KCNQ3: variants seen among roughly 807,000 people sequenced by gnomAD.
KCNQ3 encodes the protein potassium voltage-gated channel subfamily Q member 3.
KCNQ3 carries 30 observed loss-of-function variants against 92.5 expected under a neutral mutation model. The ratio of observed to expected loss-of-function variants is 0.32; its 90% confidence interval spans 0.24 to 0.44. The LOEUF is 0.44. KCNQ3 is among the 20% of genes least tolerant of loss of function. KCNQ3 has a pLI of 1.00. For missense variants in KCNQ3, 913 were observed against 1,140.3 expected (o/e 0.80, Z 2.87); for synonymous variants, 450 against 468.8 (o/e 0.96, Z 0.52).
chr8:132,294,488 G>C (rs774849154), intron 1 of KCNQ3, among the ~76,000 whole-genome samples: 2 of 152,198 alleles, frequency 1.3e-5, no homozygotes, highest in Non-Finnish European at 2.9e-5. Context: ...CAGAATCAAG[G>C]CTTCTTGGTC....
intron 1 of KCNQ3, among the ~76,000 whole-genome samples, chr8:132,361,511 C>T (rs537521287): frequency 5.3e-5 from 8 of 152,308 alleles, no homozygotes; most frequent in African/African-American, 1.9e-4. Context: ...CTTAGAATAG[C>T]AACCTCGTTT....
chr8:132,252,438 TTCAGGACAGAAGCTGCA>T (rs926850253), intron 1 of KCNQ3, among the ~76,000 whole-genome samples: 10 of 152,094 alleles, frequency 6.6e-5, no homozygotes, highest in African/African-American at 2.4e-4. Context: ...TCTCGCTAAC[TTCAGGACAGAAGCTGCA>T]GACCCTCGCA....
intron 3 of KCNQ3, among the ~76,000 whole-genome samples, chr8:132,181,824 C>T (rs566668907): frequency 8.5e-5 from 13 of 152,134 alleles, no homozygotes; most frequent in Non-Finnish European, 1.5e-4. Context: ...GAGGCCGAGG[C>T]GGGCAGATCA....
In KCNQ3 at chr8:132,140,118, T is replaced by C; in HGVS notation, c.1526A>G (p.Glu509Gly). Residue 509 changes from glutamate to glycine, a missense_variant, in exon 11 of 15, where the codon GAA (glutamate) becomes GGA (glycine). Around this residue, in one of 6 missense-constraint regions of KCNQ3, gnomAD observed 182 missense variants for 234.5 expected, o/e 0.78. Coordinates refer to ENST00000388996, the MANE Select transcript of KCNQ3 (RefSeq NM_004519.4). ...GGCCTTCAGGGTGGGGATCATGTCT[T>C]CGATGGGGAAGTCATTCCCATAGCC... ...DRGYGNDFPI[E>G]DMIPTLKAAI... 1.2e-6 allele frequency: 2 copies of C among 1,611,394 alleles called. No individual in the cohort carries two copies. Among genetic ancestry groups the C allele is most frequent in the Non-Finnish European group, 8.5e-7 (1 of 1,178,900 alleles).
At chr8:132,174,729 A>G (rs1046494674) in intron 5 of KCNQ3, among the ~76,000 whole-genome samples, 14 of 152,312 alleles carry the variant, frequency 9.2e-5, no homozygotes, top group Middle Eastern at 3.4e-3. Flanking sequence ...ATGTCTGTGC[A>G]TGTATCTGTT....
At chr8:132,314,387 T>C (rs1235834723) in intron 1 of KCNQ3, among the ~76,000 whole-genome samples, 1 of 152,186 alleles carries the variant, frequency 6.6e-6, no homozygotes, top group Non-Finnish European at 1.5e-5. Context: ...TGTGAAGATT[T>C]TGTGAATGTC....
intron 1 of KCNQ3, among the ~76,000 whole-genome samples, chr8:132,260,896 C>G (rs1041240807): frequency 2.6e-5 from 4 of 152,158 alleles, no homozygotes; most frequent in African/African-American, 9.7e-5. Flanking sequence ...ATCCATCCAT[C>G]CAATCACATT....
intron 1 of KCNQ3, among the ~76,000 whole-genome samples, chr8:132,455,853 T>C (rs892572470): frequency 3.9e-5 from 6 of 152,160 alleles, no homozygotes; most frequent in African/African-American, 1.4e-4. Context: ...GCCATTCTCC[T>C]GCCTCAGCCT....
intron 1 of KCNQ3, among the ~76,000 whole-genome samples, chr8:132,272,218 G>T (rs1056009696): frequency 9.9e-5 from 15 of 152,236 alleles, no homozygotes; most frequent in Non-Finnish European, 8.8e-5. Context: ...TAGATTAACA[G>T]TAATGTGATA....
At chr8:132,269,978 A>C (rs1324306930) in intron 1 of KCNQ3, among the ~76,000 whole-genome samples, 1 of 152,228 alleles carries the variant, frequency 6.6e-6, no homozygotes, top group East Asian at 1.9e-4. Flanking sequence ...ATTACTAGAA[A>C]ATTTACATTT....
At chr8:132,180,055 G>A (rs912704892) in intron 4 of KCNQ3, 102 bp downstream of exon 4, 1 of 1,293,376 alleles carries the variant, frequency 7.7e-7, no homozygotes, top group Non-Finnish European at 1.1e-6. Context: ...AAGGGTGGCA[G>A]AATGACTGCC....
intron 1 of KCNQ3, among the ~76,000 whole-genome samples, chr8:132,453,663 T>A (rs1472886159): frequency 6.6e-6 from 1 of 151,856 alleles, no homozygotes; most frequent in African/African-American, 2.4e-5. Flanking sequence ...ATCAGTCAAT[T>A]CTCATTGATC....
At position 132,343,605 on chromosome 8, in the gene KCNQ3, C is replaced by G. The variant is rs181662213; in HGVS notation, c.386+136542G>C. 3.9e-5 allele frequency among the ~76,000 whole-genome samples: 6 copies of G among 152,300 alleles called. No individual in the cohort carries two copies. The East Asian group carries it at 1.2e-3, about 29-fold the overall frequency. ...CTGGGCTGAGGCATCATGGTCAGTT[C>G]AGCAAGGCAGAAGGAGGGCCACCAC... On this transcript the variant is annotated intron_variant, in intron 1 of 14. Coordinates refer to ENST00000388996, the MANE Select transcript of KCNQ3 (RefSeq NM_004519.4).
chr8:132,430,368 C>G (rs1413596872), intron 1 of KCNQ3, among the ~76,000 whole-genome samples: 1 of 152,208 alleles, frequency 6.6e-6, no homozygotes, highest in East Asian at 1.9e-4. Context: ...AGTGACCAAA[C>G]CAAGCATTTC....
chr8:132,372,554 A>C (rs565029514), intron 1 of KCNQ3, among the ~76,000 whole-genome samples: 19 of 152,038 alleles, frequency 1.2e-4, no homozygotes, highest in Admixed American at 5.2e-4. Flanking sequence ...TCAGGAGTTC[A>C]AGACCAGCCT....
chr8:132,315,257 G>A (rs922817469), intron 1 of KCNQ3, among the ~76,000 whole-genome samples: 3 of 152,108 alleles, frequency 2.0e-5, no homozygotes, highest in Admixed American at 1.3e-4. Flanking sequence ...TGCTTAGGTG[G>A]TAGAAAGAAG....
At chr8:132,204,955 C>A (rs995906840) in intron 1 of KCNQ3, among the ~76,000 whole-genome samples, 1 of 152,142 alleles carries the variant, frequency 6.6e-6, no homozygotes, top group Admixed American at 6.5e-5. Flanking sequence ...AGATTATGTC[C>A]TCCTACAGAG....
chr8:132,344,027 T>A (rs1818610464), intron 1 of KCNQ3, among the ~76,000 whole-genome samples: 2 of 152,236 alleles, frequency 1.3e-5, no homozygotes, highest in Non-Finnish European at 2.9e-5. Context: ...GGGCAATAAT[T>A]GGCCTCTGCA....
intron 1 of KCNQ3, among the ~76,000 whole-genome samples, chr8:132,409,527 G>A (rs1277436696): frequency 4.6e-5 from 7 of 151,864 alleles, no homozygotes; most frequent in East Asian, 3.9e-4. Context: ...TGCTTAACAC[G>A]TCTTGGTTCC....
Sources: allele counts gnomAD v4.1 joint callset (sites outside exome capture counted in the v4.1 genomes callset), GRCh38; gene constraint gnomAD v4.1.1; regional missense constraint gnomAD v4.1.1; transcripts MANE v1.5; gene names NCBI Gene and HGNC (gene_info 2026-07-23, HGNC 2026-07-21).